The following ANKRD18A variants were observed in gnomAD, a reference collection of about 807,000 sequenced individuals.
The protein encoded by ANKRD18A is ankyrin repeat domain 18A.
In ANKRD18A, 72 loss-of-function variants were observed where a neutral mutation model predicts 110.6. The ratio of observed to expected loss-of-function variants is 0.65; its 90% CI spans 0.54 to 0.79. ANKRD18A has a LOEUF of 0.79. ANKRD18A is among the 30% of genes least tolerant of loss of function. The pLI, the probability that ANKRD18A is intolerant of heterozygous loss-of-function variation, is 0.00. For synonymous variants in ANKRD18A, 305 were observed against 410.3 expected, an observed-to-expected ratio of 0.74 and a Z score of 3.10; for missense variants, 934 against 1,163.3, an observed-to-expected ratio of 0.80 and a Z score of 2.87.
chr9:38,615,929 C>T lies in ANKRD18A; in HGVS notation c.321+1G>A. 6.4e-7 allele frequency: 1 copy of T among 1,558,918 alleles called. No homozygotes were observed. The highest frequency in any genetic ancestry group is 8.7e-7 in the Non-Finnish European group (1 of 1,151,774). ...TGCTGAAAGAGTTGGCTACTATATA[C>T]CTTCATTAAAGGTGTCCTGTTTAGT... On this transcript the variant is annotated splice_donor_variant, in intron 2 of 15. Coordinates refer to ENST00000399703, the MANE Select transcript of ANKRD18A (RefSeq NM_147195.4). LOFTEE classifies it high-confidence loss of function.
In ANKRD18A at chr9:38,573,001, A is replaced by G. The variant is rs1823719763; in HGVS notation, c.2965-942T>C. 7.2e-6 allele frequency: 6 copies of G among 838,656 alleles called. No individual in the cohort carries two copies. In the South Asian group the frequency reaches 1.2e-4, roughly 16 times the overall value. 52.0% of individuals were successfully genotyped at this position (838,656 alleles called of 1,614,324 possible). A position where few individuals can be genotyped will look rare whatever the true frequency, so the allele number is the denominator to read the frequency against. On this transcript the variant is annotated intron_variant, in intron 15 of 15. Transcript: ENST00000399703. ...ACTGAATATAGTATCTACTAACCCA[A>G]CAATGAAAAGGAATGCCATTTGCTA...
chr9:38,568,592 T>C (rs60018742), downstream of ANKRD18A, among the ~76,000 whole-genome samples: 14,457 of 151,682 alleles, frequency 0.095, 1,136 homozygotes, highest in African/African-American at 0.21. Context: ...GTGGGTGAGG[T>C]TGGTGGCCGG....
At chr9:38,591,689 C>G (rs572564748) in intron 10 of ANKRD18A, among the ~76,000 whole-genome samples, 29 of 152,292 alleles carry the variant, frequency 1.9e-4, no homozygotes, top group Non-Finnish European at 3.1e-4. Context: ...CTTCACACCA[C>G]TGAAAGTGGC....
At position 38,577,174 on chromosome 9, in the gene ANKRD18A, C is replaced by A; in HGVS notation, c.2620G>T (p.Glu874Ter). ...GTTTTCATTTTGGAGAATTTACATTCCACATCTTTAAGTGTGAGTTCCTTC... is the reference window on the plus strand; with the variant it reads ...GTTTTCATTTTGGAGAATTTACATTACACATCTTTAAGTGTGAGTTCCTTC... ...KKKELTLKDV[E>*]CKFSKMKTAY... The change falls in exon 14 of 16, where the codon GAA becomes TAA. Residue 874 changes from glutamate to a stop codon, truncating the protein, a stop_gained. Coordinates refer to ENST00000399703, the MANE Select transcript of ANKRD18A (RefSeq NM_147195.4). LOFTEE classifies it high-confidence loss of function. 1.3e-6 allele frequency: 2 copies of A among 1,548,872 alleles called. No homozygotes were observed. The highest frequency in any genetic ancestry group is 1.7e-6 in the Non-Finnish European group (2 of 1,146,372).
In ANKRD18A at chr9:38,615,957, G is replaced by A. The variant is rs1825835424; in HGVS notation, c.294C>T (p.Asp98=). 20 of 1,578,112 alleles carry A rather than the reference G, an allele frequency of 1.3e-5. No individual in the cohort carries two copies. The highest frequency in any genetic ancestry group is 1.6e-5 in the Non-Finnish European group (19 of 1,160,802). Residue 98 remains aspartate, a synonymous_variant, in exon 2 of 16, where the codon GAC becomes GAT. Transcript: ENST00000399703. The part of the protein sequence containing the change: ...LHRRCQIDIC[D]RLNRTPLMKA... ...TCATTAAAGGTGTCCTGTTTAGTCT[G>A]TCACAGATGTCGATCTGGCATCTTC...
chr9:38,614,663 G>A (rs1825780502), intron 3 of ANKRD18A, among the ~76,000 whole-genome samples: 1 of 152,166 alleles, frequency 6.6e-6, no homozygotes, highest in Admixed American at 6.5e-5. Flanking sequence ...GATGTGGCCA[G>A]AGAGGAGTAT....
At chr9:38,610,484 A>G (rs1825565796) in intron 4 of ANKRD18A, 74 bp from the exon 5 acceptor site, 1 of 1,479,576 alleles carries the variant, frequency 6.8e-7, no homozygotes, top group East Asian at 2.5e-5. Flanking sequence ...GATACACTTT[A>G]CCAATTTCAT....
intron 8 of ANKRD18A, among the ~76,000 whole-genome samples, chr9:38,600,697 A>G (rs542289061): frequency 1.3e-5 from 2 of 152,306 alleles, no homozygotes; most frequent in South Asian, 2.1e-4. Flanking sequence ...GAAGTCTTTA[A>G]CCTCAGCACT....
intron 12 of ANKRD18A, among the ~76,000 whole-genome samples, chr9:38,585,868 T>C (rs1284809278): frequency 6.6e-6 from 1 of 152,100 alleles, no homozygotes; most frequent in Non-Finnish European, 1.5e-5. Flanking sequence ...GGGACATGGA[T>C]GAACTCGGAG....
Position 38,575,674 on chromosome 9 carries a change from G to C in ANKRD18A, c.2766C>G (p.Ile922Met). ...GTTTCTCCGTAAAGAGCTTGGTGCT[G>C]ATCACTGCTATTTTCTTATCCGATC... Reference protein sequence around the residue: ...LMKSDKKIAVISTKLFTEKQR... With the variant: ...LMKSDKKIAVMSTKLFTEKQR... The change falls in exon 15 of 16, where the codon ATC becomes ATG. Residue 922 changes from isoleucine (I) to methionine (M), a missense_variant. Around this residue, in one of 4 missense-constraint regions of ANKRD18A, gnomAD observed 223 missense variants for 226.7 expected, o/e 0.98. Coordinates refer to ENST00000399703, the MANE Select transcript of ANKRD18A (RefSeq NM_147195.4). 6.4e-7 allele frequency: 1 copy of C among 1,551,588 alleles called. No homozygotes were observed. The highest frequency in any genetic ancestry group is 8.7e-7 in the Non-Finnish European group (1 of 1,146,790).
chr9:38,571,207 G>A (rs1213724141), downstream of ANKRD18A: 32 of 1,505,580 alleles, frequency 2.1e-5, no homozygotes, highest in African/African-American at 2.0e-4. Context: ...TGGTGCTGCC[G>A]CAGAGAAAAT....
At chr9:38,587,761 T>G (rs1198615084) in intron 11 of ANKRD18A, among the ~76,000 whole-genome samples, 2 of 152,152 alleles carry the variant, frequency 1.3e-5, no homozygotes, top group African/African-American at 4.8e-5. Context: ...AAAGTGCACT[T>G]GACATTACAT....
chr9:38,589,229 CT>C (rs1370739395), intron 10 of ANKRD18A, among the ~76,000 whole-genome samples: 3 of 152,116 alleles, frequency 2.0e-5, no homozygotes, highest in African/African-American at 7.3e-5. Flanking sequence ...CAAATAATAA[CT>C]TTTGTCTACT....
At chr9:38,614,155 G>A (rs140261005) in intron 3 of ANKRD18A, among the ~76,000 whole-genome samples, 3,601 of 151,092 alleles carry the variant, frequency 0.024, 65 homozygotes, top group Non-Finnish European at 0.032. Context: ...TTGACATACA[G>A]GAATTTATAT....
At chr9:38,570,539 G>A (rs968886525), downstream of ANKRD18A, among the ~76,000 whole-genome samples, 2 of 152,180 alleles carry the variant, frequency 1.3e-5, no homozygotes, top group Admixed American at 1.3e-4. Flanking sequence ...GATACCCACT[G>A]GGTGAGGCCT....
Position 38,572,055 on chromosome 9 carries a change from A to G in ANKRD18A, c.2969T>C (p.Leu990Ser). 1 of 1,585,258 alleles carries G rather than the reference A, an allele frequency of 6.3e-7. No homozygotes were observed. The highest frequency in any genetic ancestry group is 1.7e-4 in the Middle Eastern group (1 of 5,988). Residue 990 changes from leucine (L) to serine (S), a missense_variant, in exon 16 of 16, where the codon TTG (leucine) becomes TCG (serine). By Grantham distance (145) the Leu-to-Ser change is moderately radical (BLOSUM62 -2). This residue lies in a region of ANKRD18A where 223 missense variants were observed against 226.7 expected (regional missense o/e 0.98). Transcript: ENST00000399703. ...GACGGGAGCAAGTGCTCAACATAGC[A>G]AAACCTGGAAAGAAAAAGAAAGGAT... is the stretch of plus-strand genomic sequence containing the variant. The part of the protein sequence containing the change: ...NNCKNFLTEV[L>S]LC
chr9:38,612,269 G>T (rs1484684793), intron 3 of ANKRD18A, among the ~76,000 whole-genome samples: 6 of 152,240 alleles, frequency 3.9e-5, no homozygotes, highest in Admixed American at 3.9e-4. Flanking sequence ...ATATTAAAAA[G>T]CAAAGCTCAG....
At chr9:38,568,219 C>T (rs1162339963), downstream of ANKRD18A, 1 of 152,318 alleles carries the variant, frequency 6.6e-6, no homozygotes, top group Non-Finnish European at 1.5e-5. Flanking sequence ...CCCAAGAAGC[C>T]CACAGTGCTG....
chr9:38,594,182 A>G (rs927438877), intron 9 of ANKRD18A, among the ~76,000 whole-genome samples: 1 of 152,182 alleles, frequency 6.6e-6, no homozygotes, highest in Non-Finnish European at 1.5e-5. Context: ...AGTTCCTCAC[A>G]TATTCAGTCG....
Sources: gnomAD v4.1 joint callset for allele counts (sites outside exome capture counted in the v4.1 genomes callset) on GRCh38, gnomAD v4.1.1 for gene constraint, gnomAD v4.1.1 regional missense constraint, MANE v1.5 for transcripts, NCBI Gene and HGNC (gene_info 2026-07-23, HGNC 2026-07-21) for gene names.